CACNB3: variants seen among roughly 807,000 people sequenced by gnomAD.
CACNB3 encodes voltage-dependent L-type calcium channel subunit beta-3.
CACNB3 carries 36 observed loss-of-function variants against 63.7 expected under a neutral mutation model. The ratio of observed to expected loss-of-function variants is 0.57; its 90% CI spans 0.43 to 0.75. The LOEUF is 0.75. CACNB3 is among the 30% of genes least tolerant of loss of function. CACNB3 has a pLI of 0.00. For synonymous variants in CACNB3, 241 were observed against 250.6 expected, an observed-to-expected ratio of 0.96 and a Z score of 0.36; for missense variants, 493 against 648.6, an observed-to-expected ratio of 0.76 and a Z score of 2.61.
chr12:48,818,225 C>T (rs1377605537), upstream of CACNB3, among the ~76,000 whole-genome samples: 1 of 152,144 alleles, frequency 6.6e-6, no homozygotes, highest in Non-Finnish European at 1.5e-5. The surrounding 1 kb of genome is among the most constrained non-coding windows in gnomAD (Gnocchi z 4.3). Context: ...CGCTCGTTCC[C>T]GCGCCTCTTC....
chr12:48,815,167 G>C (rs1053614999), upstream of CACNB3: 1 of 156,316 alleles, frequency 6.4e-6, no homozygotes, highest in Non-Finnish European at 1.4e-5. Context: ...GAGGATGGGC[G>C]GCCGGCGCAC....
In CACNB3 at chr12:48,818,896, C is replaced by G; in HGVS notation, c.-34C>G. 6.5e-7 allele frequency: 1 copy of G among 1,549,890 alleles called. No individual in the cohort carries two copies. The highest frequency in any genetic ancestry group is 8.7e-7 in the Non-Finnish European group (1 of 1,147,594). On this transcript the variant is annotated 5_prime_UTR_variant, in exon 1 of 13. Coordinates refer to ENST00000301050, the MANE Select transcript of CACNB3 (RefSeq NM_000725.4). The surrounding 1 kb of genome is among the most constrained non-coding windows in gnomAD (Gnocchi z 4.3). ...CCTGCCTCCGGGCCGCTCCCGCCCCCGGCGCCGCTCGCTCCCCCGACCCGG... is the reference window on the plus strand; with the variant it reads ...CCTGCCTCCGGGCCGCTCCCGCCCCGGGCGCCGCTCGCTCCCCCGACCCGG...
upstream of CACNB3, chr12:48,816,840 AACAGCTGCCTCC>A (rs2137433823): frequency 1.0e-6 from 1 of 985,238 alleles, no homozygotes; most frequent in South Asian, 4.7e-5. Flanking sequence ...TGGGAAGAGA[AACAGCTGCCTCC>A]ACCACTGCTT....
rs779371506 is a variant in CACNB3, at chr12:48,827,773, C to T, written c.1329C>T (p.His443=). The T allele has an allele frequency of 5.0e-6, 8 of 1,614,112 alleles. No homozygotes were observed. In the African/African-American group the frequency reaches 1.1e-4, roughly 22 times the overall value. ...ACCTGTACCAGCCTCACCGCCAACACACCTCGGGGCTGCCTAGTGCTAACG... is the reference window on the plus strand; with the variant it reads ...ACCTGTACCAGCCTCACCGCCAACATACCTCGGGGCTGCCTAGTGCTAACG... ...YQDLYQPHRQ[H]TSGLPSANGH... Residue 443 remains histidine, a synonymous_variant, in exon 13 of 13, where the codon CAC becomes CAT. Coordinates refer to ENST00000301050, the MANE Select transcript of CACNB3 (RefSeq NM_000725.4).
Position 48,827,976 on chromosome 12 carries a change from A to T in CACNB3, c.*77A>T, listed in dbSNP as rs1343302619. 1.6e-6 allele frequency: 2 copies of T among 1,272,790 alleles called. No homozygotes were observed. The highest frequency in any genetic ancestry group is 2.9e-5 in the African/African-American group (2 of 68,098). The allele number at this position is 1,272,790 out of a possible 1,614,324, so 78.8% of individuals were successfully genotyped here. A position where few individuals can be genotyped will look rare whatever the true frequency, so the allele number is the denominator to read the frequency against. ...CCCACTCCAGGCAGGGTGGCGTTAG[A>T]CTGGCATCAGGCTGGCACTAGGCTC... On this transcript the variant is annotated 3_prime_UTR_variant, in exon 13 of 13. Transcript: ENST00000301050.
chr12:48,815,225 C>G (rs951166750), upstream of CACNB3: 5 of 185,816 alleles, frequency 2.7e-5, no homozygotes, highest in East Asian at 5.7e-4. Flanking sequence ...AGCTCAGGAG[C>G]TGGGGCAGCC....
intron 12 of CACNB3, among the ~76,000 whole-genome samples, 198 bp downstream of exon 12, chr12:48,827,321 G>A (rs542144225): frequency 2.0e-5 from 3 of 152,332 alleles, no homozygotes; most frequent in South Asian, 2.1e-4. Flanking sequence ...AGATGGATAC[G>A]TCAGAGATTA....
upstream of CACNB3, chr12:48,815,565 C>T (rs995735419): frequency 1.3e-6 from 2 of 1,510,728 alleles, no homozygotes; most frequent in African/African-American, 2.8e-5. Context: ...GCGGCGGAGC[C>T]CGGCGGGCGT....
Position 48,825,231 on chromosome 12 carries a change from G to A in CACNB3, c.561G>A (p.Leu187=), listed in dbSNP as rs2137461016. The A allele has an allele frequency of 1.2e-6, 2 of 1,614,046 alleles. No homozygotes were observed. Among genetic ancestry groups the A allele is most frequent in the Non-Finnish European group, 1.7e-6 (2 of 1,179,976 alleles). ...CTGTGGTGCTGGTGGGACCCTCTCT[G>A]AAAGGTTATGAGGTGAGAGGAGGTC... The part of the protein sequence containing the change: ...MRPVVLVGPS[L]KGYEVTDMMQ... Residue 187 remains leucine (L), a synonymous_variant, in exon 7 of 13, where the codon CTG becomes CTA. Transcript: ENST00000301050. The surrounding 1 kb of genome is among the most constrained non-coding windows in gnomAD (Gnocchi z 4.5).
In CACNB3 at chr12:48,827,758, G is replaced by A. The variant is rs751540922; in HGVS notation, c.1314G>A (p.Gln438=). ...DYADAYQDLY[Q]PHRQHTSGLP... is the part of the protein sequence containing the mutation. ...CAGATGCCTACCAGGACCTGTACCA[G>A]CCTCACCGCCAACACACCTCGGGGC... is the stretch of plus-strand genomic sequence containing the variant. Residue 438 remains glutamine (Q), a synonymous_variant, in exon 13 of 13, where the codon CAG becomes CAA. Transcript: ENST00000301050. 2 of 1,614,196 alleles carry A rather than the reference G, an allele frequency of 1.2e-6. No individual in the cohort carries two copies. Among genetic ancestry groups the A allele is most frequent in the South Asian group, 1.1e-5 (1 of 91,090 alleles).
rs751692136 is a variant in CACNB3, at chr12:48,824,323, C to T, written c.357C>T (p.Pro119=). The change falls in exon 4 of 13, where the codon CCC becomes CCT. Residue 119 remains proline, a synonymous_variant. Coordinates refer to ENST00000301050, the MANE Select transcript of CACNB3 (RefSeq NM_000725.4). The part of the protein sequence containing the change: ...VKEGGDIAFI[P]SPQRLESIRL... ...AGGGCGGGGACATCGCCTTCATCCC[C>T]AGCCCCCAGCGCCTGGAGAGCATCC... The T allele has an allele frequency of 1.2e-6, 2 of 1,612,714 alleles. No individual in the cohort carries two copies. Among genetic ancestry groups the T allele is most frequent in the Admixed American group, 3.3e-5 (2 of 59,864 alleles).
At chr12:48,814,692 G>C (rs1592176432), upstream of CACNB3, 2 of 937,920 alleles carry the variant, frequency 2.1e-6, no homozygotes, top group African/African-American at 1.7e-5. This position sits in a 1 kb window ranked among gnomAD's most constrained non-coding sequence, Gnocchi z 6.9. Flanking sequence ...AGGAGGGGGA[G>C]AGGGGTTCGT....
Position 48,826,933 on chromosome 12 carries a change from C to G in CACNB3, c.991-41C>G. On this transcript the variant is annotated intron_variant, in intron 11 of 12. Transcript: ENST00000301050. The surrounding 1 kb of genome is among the most constrained non-coding windows in gnomAD (Gnocchi z 4.8). ...GATAGAGATGGGTGGGGGGCTGCTA[C>G]TGAGGGGAAACCAACGTTGCGCCTT... 6.2e-7 allele frequency: 1 copy of G among 1,613,456 alleles called. No individual in the cohort carries two copies. Among genetic ancestry groups the G allele is most frequent in the Non-Finnish European group, 8.5e-7 (1 of 1,179,612 alleles).
rs1293345041 is a variant in CACNB3 at position 48,828,233 on chromosome 12, CAG to C, written c.*336_*337del. The stretch of plus-strand genomic sequence containing the variant: ...ATCCCCTTAGCAGGGTCCTTCCCAC[CAG>C]ACTCAGGGAAGGGATGCCCCATTAA... On this transcript the variant is annotated 3_prime_UTR_variant, in exon 13 of 13. Transcript: ENST00000301050. 2.5e-6 allele frequency: 1 copy of C among 392,582 alleles called. No individual in the cohort carries two copies. Among genetic ancestry groups the C allele is most frequent in the Non-Finnish European group, 4.8e-6 (1 of 209,250 alleles). 24.3% of individuals were successfully genotyped at this position (392,582 alleles called of 1,614,324 possible). A position where few individuals can be genotyped will look rare whatever the true frequency, so the allele number is the denominator to read the frequency against.
chr12:48,815,848 A>G, upstream of CACNB3: 1 of 756,368 alleles, frequency 1.3e-6, no homozygotes, highest in South Asian at 1.5e-5. Context: ...ATGGGGAGGC[A>G]GGGAAACCGG....
Position 48,818,670 on chromosome 12 carries a change from A to G in CACNB3, c.-260A>G. ...GGTGGGCGGGCACTATTGTTGTAGG[A>G]GCCGGCGCCAGATTCCTCAGCCGCG... On this transcript the variant is annotated 5_prime_UTR_variant, in exon 1 of 13. Coordinates refer to ENST00000301050, the MANE Select transcript of CACNB3 (RefSeq NM_000725.4). The surrounding 1 kb of genome is among the most constrained non-coding windows in gnomAD (Gnocchi z 4.3). The G allele has an allele frequency of 8.4e-7, 1 of 1,185,910 alleles. No individual in the cohort carries two copies. Among genetic ancestry groups the G allele is most frequent in the Non-Finnish European group, 1.0e-6 (1 of 967,458 alleles). The allele number at this position is 1,185,910 out of a possible 1,614,324, so 73.5% of individuals were successfully genotyped here. A position where few individuals can be genotyped will look rare whatever the true frequency, so the allele number is the denominator to read the frequency against.
chr12:48,824,158 ACC>A, intron 3 of CACNB3, 98 bp from the exon 4 acceptor site: 1 of 1,009,414 alleles, frequency 9.9e-7, no homozygotes, highest in African/African-American at 1.6e-5. Flanking sequence ...CATTCCTCAG[ACC>A]AGCTCAGTGA....
Position 48,823,556 on chromosome 12 carries a change from A to G in CACNB3, c.168+90A>G. On this transcript the variant is annotated intron_variant, in intron 2 of 12. Transcript: ENST00000301050. The surrounding 1 kb of genome is among the most constrained non-coding windows in gnomAD (Gnocchi z 4.2). ...AAGTCCCAAGGGGTCCTTGGGCAGG[A>G]TGTCCTTGAGTGTGAGAGGGTGTGT... The G allele has an allele frequency of 6.3e-7, 1 of 1,595,404 alleles. No individual in the cohort carries two copies. The highest frequency in any genetic ancestry group is 1.3e-5 in the African/African-American group (1 of 74,694).
At chr12:48,814,514 G>T, upstream of CACNB3, 1 of 1,529,844 alleles carries the variant, frequency 6.5e-7, no homozygotes, top group Non-Finnish European at 8.7e-7. The surrounding 1 kb of genome is among the most constrained non-coding windows in gnomAD (Gnocchi z 6.9). Context: ...CCAGGACGCT[G>T]CCCGGCTTAG....
Sources: gnomAD v4.1 joint callset for allele counts (sites outside exome capture counted in the v4.1 genomes callset) on GRCh38, gnomAD v4.1.1 for gene constraint, Gnocchi (gnomAD v3.1) non-coding constraint, MANE v1.5 for transcripts, NCBI Gene and HGNC (gene_info 2026-07-23, HGNC 2026-07-21) for gene names.